TNFRSF10B: variants seen among roughly 807,000 people sequenced by gnomAD.
TNFRSF10B encodes TNF receptor superfamily member 10b.
In TNFRSF10B, 35 loss-of-function variants were observed where a neutral mutation model predicts 41.4. The ratio of observed to expected loss-of-function variants is 0.85; its 90% CI spans 0.65 to 1.12. TNFRSF10B has a LOEUF of 1.12. Ranked by LOEUF, TNFRSF10B falls within the 50% of genes most tolerant of loss-of-function variation. The probability of loss-of-function intolerance (pLI) is 0.00; values close to 1 mark genes in which losing one functional copy is unlikely to be tolerated. For synonymous variants in TNFRSF10B, 230 were observed against 215.5 expected, an observed-to-expected ratio of 1.07 and a Z score of -0.59; for missense variants, 584 against 552.7, an observed-to-expected ratio of 1.06 and a Z score of -0.57.
Position 23,038,354 on chromosome 8 carries a change from G to A in TNFRSF10B, c.250+4784C>T, listed in dbSNP as rs538854162. On this transcript the variant is annotated intron_variant, in intron 2 of 8. Transcript: ENST00000276431. ...GCTGAGGTGCTTAGTGAGGGCACAG[G>A]GAATACAGAATGCACAGCGAAAGAA... 7.2e-5 allele frequency among the ~76,000 whole-genome samples: 11 copies of A among 152,240 alleles called. No individual in the cohort carries two copies. The South Asian group carries it at 2.3e-3, about 32-fold the overall frequency.
Position 23,027,522 on chromosome 8 carries a change from C to G in TNFRSF10B, c.780+200G>C, listed in dbSNP as rs576052725. The G allele has an allele frequency of 2.2e-4, 175 of 802,190 alleles. 1 individual carries two copies. In the African/African-American group the frequency reaches 2.9e-3, roughly 13 times the overall value. The allele number at this position is 802,190 out of a possible 1,614,324, so 49.7% of individuals were successfully genotyped here. A position where few individuals can be genotyped will look rare whatever the true frequency, so the allele number is the denominator to read the frequency against. ...GCAGGCTGTGGGGTGAGGATGTCACCTGGGCTGCAGCAGGGCTCACCAGCC... is the reference window on the plus strand; with the variant it reads ...GCAGGCTGTGGGGTGAGGATGTCACGTGGGCTGCAGCAGGGCTCACCAGCC... On this transcript the variant is annotated intron_variant, in intron 6 of 8. Transcript: ENST00000276431.
At position 23,022,343 on chromosome 8, in the gene TNFRSF10B, C is replaced by CACAT. The variant is rs1811558415; in HGVS notation, c.*327_*328insATGT. On this transcript the variant is annotated 3_prime_UTR_variant, in exon 9 of 9. Transcript: ENST00000276431. ...TGTAGATGGATCTTACAATGTAGCC[C>CACAT]AAATAAATAAATAAAGCATTTACAT... 2.1e-6 allele frequency: 1 copy of CACAT among 478,196 alleles called. No individual in the cohort carries two copies. Among genetic ancestry groups the CACAT allele is most frequent in the Non-Finnish European group, 4.1e-6 (1 of 243,634 alleles). 29.6% of individuals were successfully genotyped at this position (478,196 alleles called of 1,614,324 possible). A position where few individuals can be genotyped will look rare whatever the true frequency, so the allele number is the denominator to read the frequency against.
intron 2 of TNFRSF10B, among the ~76,000 whole-genome samples, chr8:23,037,365 C>T (rs559115482): frequency 2.0e-5 from 3 of 152,316 alleles, no homozygotes; most frequent in Admixed American, 6.5e-5. Flanking sequence ...GATATAGCAC[C>T]ATTCAGAGGG....
At chr8:23,027,501 G>A (rs1811739385) in intron 6 of TNFRSF10B, 2 of 783,398 alleles carry the variant, frequency 2.6e-6, no homozygotes, top group Non-Finnish European at 4.1e-6. Context: ...TAGGGTGCAG[G>A]CTGTGGGGTG....
intron 2 of TNFRSF10B, among the ~76,000 whole-genome samples, chr8:23,042,488 G>A (rs898377175): frequency 2.6e-5 from 4 of 152,100 alleles, no homozygotes; most frequent in Non-Finnish European, 5.9e-5. Context: ...ATCTCTGGGG[G>A]CTCAAATGAC....
intron 1 of TNFRSF10B, among the ~76,000 whole-genome samples, chr8:23,043,738 G>T (rs138505167): frequency 6.6e-6 from 1 of 152,172 alleles, no homozygotes; most frequent in South Asian, 2.1e-4. Flanking sequence ...TTTAAAAGGT[G>T]CCTGACATAT....
chr8:23,037,584 AG>A (rs1462609010), intron 2 of TNFRSF10B, among the ~76,000 whole-genome samples: 23 of 152,196 alleles, frequency 1.5e-4, no homozygotes, highest in Admixed American at 2.6e-4. Flanking sequence ...CTTCTGATTG[AG>A]GGACTCACTT....
rs71206564 is a variant in TNFRSF10B, at chr8:23,047,357, CAA to C, written c.145-4116_145-4115del. ...AGGCAACAAGAGTGAAATTTCATCT[CAA>C]AAAAAAAAAAAAAAAGTTTCTGCAC... On this transcript the variant is annotated intron_variant, in intron 1 of 8. Coordinates refer to ENST00000276431, the MANE Select transcript of TNFRSF10B (RefSeq NM_003842.5). 8.7e-3 allele frequency among the ~76,000 whole-genome samples: 940 copies of C among 108,374 alleles called. 9 individuals carry two copies. The highest frequency in any genetic ancestry group is 0.027 in the African/African-American group (824 of 30,844). 71.1% of individuals were successfully genotyped at this position (108,374 alleles called of 152,430 possible). A position where few individuals can be genotyped will look rare whatever the true frequency, so the allele number is the denominator to read the frequency against.
intron 1 of TNFRSF10B, among the ~76,000 whole-genome samples, chr8:23,044,929 G>A (rs573164813): frequency 1.3e-4 from 19 of 152,000 alleles, no homozygotes; most frequent in African/African-American, 3.4e-4. Flanking sequence ...AAAAATGAAT[G>A]AGGAGGCCAG....
chr8:23,045,044 C>T (rs1376725542), intron 1 of TNFRSF10B, among the ~76,000 whole-genome samples: 3 of 133,624 alleles, frequency 2.2e-5, no homozygotes, highest in East Asian at 2.3e-4. Context: ...GGCAAAACCT[C>T]GTCCCTAATA....
At chr8:23,053,185 A>G (rs991591683) in intron 1 of TNFRSF10B, among the ~76,000 whole-genome samples, 3 of 152,240 alleles carry the variant, frequency 2.0e-5, no homozygotes, top group Non-Finnish European at 4.4e-5. Context: ...GGTAAGGCCT[A>G]GGACACATGG....
At chr8:23,067,395 A>G (rs1813018870) in intron 1 of TNFRSF10B, among the ~76,000 whole-genome samples, 1 of 152,172 alleles carries the variant, frequency 6.6e-6, no homozygotes, top group Non-Finnish European at 1.5e-5. Flanking sequence ...TTCCAAGTAG[A>G]AAGAACATGA....
At chr8:23,065,814 C>T (rs1812964247) in intron 1 of TNFRSF10B, among the ~76,000 whole-genome samples, 1 of 151,094 alleles carries the variant, frequency 6.6e-6, no homozygotes, top group Admixed American at 6.6e-5. Flanking sequence ...TAAGAAATTA[C>T]TATGCATGAA....
At position 23,024,240 on chromosome 8, in the gene TNFRSF10B, C is replaced by T. The variant is rs763429391; in HGVS notation, c.957G>A (p.Arg319=). The T allele has an allele frequency of 1.2e-6, 2 of 1,614,122 alleles. No homozygotes were observed. Among genetic ancestry groups the T allele is most frequent in the Non-Finnish European group, 1.7e-6 (2 of 1,180,006 alleles). The change falls in exon 8 of 9, where the codon AGG becomes AGA. Residue 319 remains arginine, a synonymous_variant. Transcript: ENST00000276431. ...EHLLEPAEAE[R]SQRRRLLVPA... ...GAACCAGCAGCCTCCTCCTCTGAGA[C>T]CTTTCAGCTTCTGCCGGTTCCTGTA...
chr8:23,030,562 G>A lies in TNFRSF10B; in HGVS notation c.364+197C>T, dbSNP rs372569205. ...CTGGGCTCAAGTGATGCCTCCCAAAGTGTTGAGATTACAGGCATGAGCCAC... is the reference window on the plus strand; with the variant it reads ...CTGGGCTCAAGTGATGCCTCCCAAAATGTTGAGATTACAGGCATGAGCCAC... On this transcript the variant is annotated intron_variant, in intron 3 of 8. Transcript: ENST00000276431. 3.3e-5 allele frequency among the ~76,000 whole-genome samples: 5 copies of A among 152,108 alleles called. No individual in the cohort carries two copies. The South Asian group carries it at 6.2e-4, about 19-fold the overall frequency.
chr8:23,065,175 C>T (rs888262455), intron 1 of TNFRSF10B, among the ~76,000 whole-genome samples: 1 of 152,184 alleles, frequency 6.6e-6, no homozygotes, highest in African/African-American at 2.4e-5. Context: ...AACCCAGGCA[C>T]AGATTTTCCC....
intron 2 of TNFRSF10B, among the ~76,000 whole-genome samples, chr8:23,041,115 A>G (rs910462267): frequency 4.0e-5 from 6 of 150,856 alleles, no homozygotes; most frequent in South Asian, 2.1e-4. Context: ...CTGAAGTGCA[A>G]TGGCGTGATC....
intron 2 of TNFRSF10B, 128 bp downstream of exon 2, chr8:23,043,010 G>A (rs1394059760): frequency 3.8e-6 from 3 of 794,484 alleles, no homozygotes; most frequent in East Asian, 5.4e-5. Flanking sequence ...GAAGGACAGA[G>A]CCTTGAACTG....
Position 23,067,130 on chromosome 8 carries a change from C to G in TNFRSF10B, c.144+1621G>C, listed in dbSNP as rs376248949. On this transcript the variant is annotated intron_variant, in intron 1 of 8. Transcript: ENST00000276431. ...AGTAGCTGGGATTGCAGGTGCCCAC[C>G]ACCACACCCAGCTAATTTTGTATTT... Among the ~76,000 whole-genome samples, 16 of 151,992 alleles carry G rather than the reference C, an allele frequency of 1.1e-4. No homozygotes were observed. In the Middle Eastern group the frequency reaches 0.01, roughly 98 times the overall value.
Sources: allele counts gnomAD v4.1 joint callset (sites outside exome capture counted in the v4.1 genomes callset), GRCh38; gene constraint gnomAD v4.1.1; transcripts MANE v1.5; gene names NCBI Gene and HGNC (gene_info 2026-07-23, HGNC 2026-07-21).